Variants in ZNF567 observed in about 807,000 individuals in gnomAD.
ZNF567 encodes the protein zinc finger protein 567.
A neutral mutation model predicts 53.9 loss-of-function variants in ZNF567; 36 were observed. The observed-to-expected ratio is 0.67, with a 90% CI of 0.51 to 0.88. The LOEUF (loss-of-function observed/expected upper bound fraction) is 0.88. Among genes scored for constraint, ZNF567 ranks in the 40% least tolerant of loss-of-function variants. The pLI is 0.00. For synonymous variants in ZNF567, 224 were observed against 260.4 expected (o/e 0.86, Z 1.35); for missense variants, 619 against 764.7 (o/e 0.81, Z 2.25).
At chr19:36,696,753 C>T (rs113835565) in intron 3 of ZNF567, among the ~76,000 whole-genome samples, 1 of 152,328 alleles carries the variant, frequency 6.6e-6, no homozygotes, top group Non-Finnish European at 1.5e-5. Context: ...GGGCTCACCC[C>T]AATGCTTGCT....
the ZNF567 span, among the ~76,000 whole-genome samples, chr19:36,676,566 G>A: frequency 6.6e-5 from 10 of 152,062 alleles, no homozygotes; most frequent in Admixed American, 2.0e-4. Context: ...GGCAAAAAGC[G>A]TAATTACTTT....
chr19:36,698,845 C>T lies in ZNF567; in HGVS notation c.9+3969C>T, dbSNP rs1279684135. 1.2e-4 allele frequency among the ~76,000 whole-genome samples: 18 copies of T among 152,100 alleles called. No homozygotes were observed. In the South Asian group the frequency reaches 1.7e-3, roughly 14 times the overall value. Reference sequence around the variant, plus strand: ...AGCCCTTTGTCAGATGAGTAGGTTGCGAAAATTTTCTCCCATTTTGTAGGT... The same window carrying T: ...AGCCCTTTGTCAGATGAGTAGGTTGTGAAAATTTTCTCCCATTTTGTAGGT... On this transcript the variant is annotated intron_variant, in intron 3 of 5. Coordinates refer to ENST00000682579, the MANE Select transcript of ZNF567 (RefSeq NM_001322917.1).
At chr19:36,696,256 C>T (rs2038879955) in intron 3 of ZNF567, among the ~76,000 whole-genome samples, 1 of 152,164 alleles carries the variant, frequency 6.6e-6, no homozygotes, top group Non-Finnish European at 1.5e-5. Context: ...CATTTATCTT[C>T]GTATCTGGAC....
chr19:36,683,763 C>T (rs912283882), upstream of ZNF567, among the ~76,000 whole-genome samples: 1 of 151,894 alleles, frequency 6.6e-6, no homozygotes, highest in Non-Finnish European at 1.5e-5. Flanking sequence ...ACCTTGGAGG[C>T]GGGGGTTGCA....
chr19:36,688,914 A>G (rs1200976129), intron 1 of ZNF567, among the ~76,000 whole-genome samples: 1 of 152,150 alleles, frequency 6.6e-6, no homozygotes, highest in Non-Finnish European at 1.5e-5. Flanking sequence ...TTTGACCAGC[A>G]TGGTGAAACC....
chr19:36,700,792 G>A (rs190279563), intron 3 of ZNF567, among the ~76,000 whole-genome samples: 14 of 152,110 alleles, frequency 9.2e-5, no homozygotes, highest in East Asian at 5.8e-4. Flanking sequence ...CTTTTATTGC[G>A]TCTATTTGAT....
chr19:36,667,066 C>T, the ZNF567 span, among the ~76,000 whole-genome samples: 1 of 152,158 alleles, frequency 6.6e-6, no homozygotes, highest in South Asian at 2.1e-4. Context: ...GCGGCCTCCG[C>T]GGGCTGTGGC....
downstream of ZNF567, chr19:36,727,046 A>G (rs1481184932): frequency 1.5e-4 from 4 of 26,752 alleles, no homozygotes; most frequent in Non-Finnish European, 2.8e-4. Flanking sequence ...GTTAGAGTAG[A>G]TCAATTTTAT....
chr19:36,671,102 AAAAC>A, the ZNF567 span, among the ~76,000 whole-genome samples: 11 of 152,320 alleles, frequency 7.2e-5, no homozygotes, highest in East Asian at 7.7e-4. Context: ...ACTCCGTCTC[AAAAC>A]AAACAAACAA....
chr19:36,707,473 T>C (rs1423860486), intron 3 of ZNF567, among the ~76,000 whole-genome samples: 1 of 152,260 alleles, frequency 6.6e-6, no homozygotes. Context: ...CATGTATTTT[T>C]CTTCTCTAGA....
the ZNF567 span, among the ~76,000 whole-genome samples, chr19:36,672,180 C>T: frequency 6.6e-6 from 1 of 152,192 alleles, no homozygotes; most frequent in African/African-American, 2.4e-5. Flanking sequence ...CTGAGCACCG[C>T]ACCTGGTTGT....
downstream of ZNF567, among the ~76,000 whole-genome samples, chr19:36,725,548 C>T (rs950498262): frequency 6.6e-6 from 1 of 152,062 alleles, no homozygotes; most frequent in African/African-American, 2.4e-5. Flanking sequence ...TACGGTGTTA[C>T]GTTTTGGGGA....
the ZNF567 span, among the ~76,000 whole-genome samples, chr19:36,672,494 C>T: frequency 6.6e-6 from 1 of 152,172 alleles, no homozygotes; most frequent in African/African-American, 2.4e-5. Flanking sequence ...CTTATCATCA[C>T]CCAATTGGCT....
intron 3 of ZNF567, among the ~76,000 whole-genome samples, chr19:36,699,328 T>C (rs2039053857): frequency 6.6e-6 from 1 of 152,214 alleles, no homozygotes; most frequent in South Asian, 2.1e-4. Flanking sequence ...ACTGTAACCT[T>C]GTAGTATAGT....
intron 5 of ZNF567, among the ~76,000 whole-genome samples, chr19:36,717,690 A>T (rs2040126343): frequency 1.3e-5 from 2 of 152,246 alleles, no homozygotes; most frequent in Admixed American, 1.3e-4. Flanking sequence ...TCAGATATAG[A>T]TGATTGCAAG....
chr19:36,725,730 C>T (rs1231041362), downstream of ZNF567, among the ~76,000 whole-genome samples: 2 of 152,110 alleles, frequency 1.3e-5, no homozygotes, highest in Non-Finnish European at 2.9e-5. Flanking sequence ...CTCACTGCAG[C>T]CTCGACCTCC....
At chr19:36,706,830 A>AT (rs926313384) in intron 3 of ZNF567, among the ~76,000 whole-genome samples, 9 of 149,594 alleles carry the variant, frequency 6.0e-5, no homozygotes, top group Admixed American at 1.3e-4. Context: ...TAATTTTTAA[A>AT]TTTTTTATAG....
downstream of ZNF567, among the ~76,000 whole-genome samples, chr19:36,725,365 G>T (rs1299975361): frequency 6.6e-6 from 1 of 151,922 alleles, no homozygotes; most frequent in African/African-American, 2.4e-5. Context: ...ACCACACCCG[G>T]CTAATTTTGG....
chr19:36,702,903 C>G (rs1349628832), intron 3 of ZNF567, among the ~76,000 whole-genome samples: 1 of 152,142 alleles, frequency 6.6e-6, no homozygotes. Context: ...GTTTGATCAT[C>G]TGAAGCCTTC....
Sources: allele counts gnomAD v4.1 joint callset (sites outside exome capture counted in the v4.1 genomes callset), GRCh38; gene constraint gnomAD v4.1.1; transcripts MANE v1.5; gene names NCBI Gene and HGNC (gene_info 2026-07-23, HGNC 2026-07-21).